Variants in RNF115 observed in about 807,000 individuals in gnomAD.
The protein encoded by RNF115 is ring finger protein 115.
RNF115 carries 31 observed loss-of-function variants against 39.2 expected under a neutral mutation model. The observed-to-expected ratio is 0.79, with a 90% confidence interval of 0.59 to 1.07. RNF115 has a LOEUF of 1.07. RNF115 is among the 50% of genes least tolerant of loss of function. The pLI is 0.00. For synonymous variants in RNF115, 124 were observed against 131.0 expected (o/e 0.95, Z 0.37); for missense variants, 384 against 381.7 (o/e 1.01, Z -0.05).
chr1:145,805,342 A>T (rs1490150837), intron 1 of RNF115, among the ~76,000 whole-genome samples: 1 of 152,128 alleles, frequency 6.6e-6, no homozygotes, highest in Non-Finnish European at 1.5e-5. Context: ...CTTTAAAAAC[A>T]AAAGCAATGT....
chr1:145,755,617 G>T (rs1658265242), intron 4 of RNF115, among the ~76,000 whole-genome samples: 1 of 152,082 alleles, frequency 6.6e-6, no homozygotes, highest in Non-Finnish European at 1.5e-5. Context: ...TTCGATATCT[G>T]GATACCGGTG....
At chr1:145,822,010 C>T (rs1483313314) in intron 1 of RNF115, among the ~76,000 whole-genome samples, 10 of 151,726 alleles carry the variant, frequency 6.6e-5, no homozygotes, top group African/African-American at 1.9e-4. Context: ...CATAAACACA[C>T]AGCAAAATCA....
At chr1:145,797,561 G>A (rs1649039799) in intron 1 of RNF115, among the ~76,000 whole-genome samples, 1 of 152,038 alleles carries the variant, frequency 6.6e-6, no homozygotes, top group African/African-American at 2.4e-5. Flanking sequence ...AAGGACATCT[G>A]CGTTGTTTTC....
At position 145,743,791 on chromosome 1, in the gene RNF115, T is replaced by A. The variant is rs880001193; in HGVS notation, c.*3075A>T. On this transcript the variant is annotated 3_prime_UTR_variant, in exon 9 of 9. Coordinates refer to ENST00000582693, the MANE Select transcript of RNF115 (RefSeq NM_014455.4). ...GCAAGCCTCCATCTCAAAAAATAAA[T>A]AAATAAATAAATAAATAAATAAATA... 0.47 allele frequency: 49,952 copies of A among 105,326 alleles called. 9,497 individuals carry two copies. The highest frequency in any genetic ancestry group is 0.7 in the East Asian group (3,199 of 4,560). 6.5% of individuals were successfully genotyped at this position (105,326 alleles called of 1,614,324 possible). A position where few individuals can be genotyped will look rare whatever the true frequency, so the allele number is the denominator to read the frequency against.
At chr1:145,794,532 CAG>C (rs1283786354) in intron 1 of RNF115, among the ~76,000 whole-genome samples, 4 of 95,324 alleles carry the variant, frequency 4.2e-5, no homozygotes, top group Non-Finnish European at 5.7e-5. Flanking sequence ...TTTTTTGAGA[CAG>C]AGTCTCACTC....
chr1:145,814,482 C>G (rs1399701018), intron 1 of RNF115, among the ~76,000 whole-genome samples: 4 of 151,614 alleles, frequency 2.6e-5, no homozygotes, highest in Non-Finnish European at 5.9e-5. Context: ...ACTTGGGAGG[C>G]TGAGGCAGGA....
At chr1:145,819,827 C>G (rs1650155818) in intron 1 of RNF115, among the ~76,000 whole-genome samples, 1 of 152,178 alleles carries the variant, frequency 6.6e-6, no homozygotes, top group Non-Finnish European at 1.5e-5. Flanking sequence ...CACTTGAGGT[C>G]AGGATTTCAA....
intron 1 of RNF115, among the ~76,000 whole-genome samples, chr1:145,811,932 TAC>T (rs1312542136): frequency 4.8e-4 from 36 of 74,692 alleles, no homozygotes; most frequent in African/African-American, 1.5e-3. Context: ...TATATATATA[TAC>T]ACACACACAC....
chr1:145,777,277 G>T (rs1429414723), intron 3 of RNF115, among the ~76,000 whole-genome samples: 1 of 152,070 alleles, frequency 6.6e-6, no homozygotes, highest in South Asian at 2.1e-4. Flanking sequence ...CAAGCACCAA[G>T]TTCATAATAC....
At chr1:145,783,534 G>A (rs587731183) in intron 3 of RNF115, among the ~76,000 whole-genome samples, 96 of 152,226 alleles carry the variant, frequency 6.3e-4, no homozygotes, top group African/African-American at 2.3e-3. Flanking sequence ...GAAATATTTT[G>A]CTATCTCTCT....
intron 3 of RNF115, among the ~76,000 whole-genome samples, chr1:145,780,446 C>G (rs376104623): frequency 6.6e-6 from 1 of 151,698 alleles, no homozygotes; most frequent in South Asian, 2.1e-4. Context: ...CGGTGAAACC[C>G]CGTCTCTACT....
chr1:145,804,769 A>G (rs1232489255), intron 1 of RNF115, among the ~76,000 whole-genome samples: 1 of 152,152 alleles, frequency 6.6e-6, no homozygotes, highest in Non-Finnish European at 1.5e-5. Context: ...AATATCAAAC[A>G]TGCTGCTTTA....
At chr1:145,771,979 G>A in intron 3 of RNF115, 60 bp from the exon 4 acceptor site, 1 of 1,376,592 alleles carries the variant, frequency 7.3e-7, no homozygotes, top group Non-Finnish European at 1.0e-6. Context: ...CACCTGGATT[G>A]TTTACAGTTT....
At chr1:145,799,906 T>C (rs1195473132) in intron 1 of RNF115, among the ~76,000 whole-genome samples, 4 of 152,228 alleles carry the variant, frequency 2.6e-5, no homozygotes, top group Admixed American at 1.3e-4. Flanking sequence ...TGTGGGCTTT[T>C]CATAAATACA....
rs1465849105 is a variant in RNF115, at chr1:145,744,531, C to T, written c.*2335G>A. 1.3e-5 allele frequency: 2 copies of T among 152,180 alleles called. No homozygotes were observed. Among genetic ancestry groups the T allele is most frequent in the Non-Finnish European group, 2.9e-5 (2 of 68,032 alleles). The allele number at this position is 152,180 out of a possible 1,614,324, so 9.4% of individuals were successfully genotyped here. A position where few individuals can be genotyped will look rare whatever the true frequency, so the allele number is the denominator to read the frequency against. On this transcript the variant is annotated 3_prime_UTR_variant, in exon 9 of 9. Coordinates refer to ENST00000582693, the MANE Select transcript of RNF115 (RefSeq NM_014455.4). ...AGAGGCAGGCTATTATTTCAGCAGGCCACTCTCTCACTTTTTCTGTTCCCT... is the reference window on the plus strand; with the variant it reads ...AGAGGCAGGCTATTATTTCAGCAGGTCACTCTCTCACTTTTTCTGTTCCCT...
intron 1 of RNF115, among the ~76,000 whole-genome samples, chr1:145,808,588 T>C (rs1211884669): frequency 6.6e-6 from 1 of 152,220 alleles, no homozygotes; most frequent in Non-Finnish European, 1.5e-5. Flanking sequence ...AAATCAAGAC[T>C]AGCAGTGAAA....
chr1:145,772,983 T>C lies in RNF115; in HGVS notation c.220-1064A>G, dbSNP rs587629059. 4 of 152,344 alleles carry C rather than the reference T, an allele frequency of 2.6e-5. No individual in the cohort carries two copies. The East Asian group carries it at 7.7e-4, about 29-fold the overall frequency. 9.4% of individuals were successfully genotyped at this position (152,344 alleles called of 1,614,324 possible). A position where few individuals can be genotyped will look rare whatever the true frequency, so the allele number is the denominator to read the frequency against. On this transcript the variant is annotated intron_variant, in intron 3 of 8. Coordinates refer to ENST00000582693, the MANE Select transcript of RNF115 (RefSeq NM_014455.4). ...TTCTTCTGTCTGCTCATATCTTTTG[T>C]TGAGCTCCCCTAGTGAATTTTCATT...
chr1:145,760,291 C>A (rs1378874733), intron 4 of RNF115, among the ~76,000 whole-genome samples: 1 of 152,128 alleles, frequency 6.6e-6, no homozygotes, highest in African/African-American at 2.4e-5. Flanking sequence ...CCTAGTGCTG[C>A]ACACCTGTGG....
chr1:145,783,449 GT>G (rs1648237083), intron 3 of RNF115, among the ~76,000 whole-genome samples: 1 of 152,112 alleles, frequency 6.6e-6, no homozygotes, highest in Non-Finnish European at 1.5e-5. Flanking sequence ...GAAGCTTAGG[GT>G]TTTACAGGCT....
Sources: gnomAD v4.1 joint callset for allele counts (sites outside exome capture counted in the v4.1 genomes callset) on GRCh38, gnomAD v4.1.1 for gene constraint, MANE v1.5 for transcripts, NCBI Gene and HGNC (gene_info 2026-07-23, HGNC 2026-07-21) for gene names.